The following TENM3 variants were observed in gnomAD, a reference collection of about 807,000 sequenced individuals.
TENM3 encodes the protein teneurin-3.
TENM3 carries 63 observed loss-of-function variants against 255.1 expected under a neutral mutation model. The observed-to-expected ratio is 0.25, with a 90% confidence interval of 0.20 to 0.30. The LOEUF (loss-of-function observed/expected upper bound fraction) is 0.30. Ranked by LOEUF, TENM3 falls within the 10% of genes least tolerant of loss-of-function variation. TENM3 has a pLI of 1.00. For synonymous variants in TENM3, 1,306 were observed against 1,322.3 expected (o/e 0.99, Z 0.27); for missense variants, 2,929 against 3,461.1 (o/e 0.85, Z 3.86).
At chr4:182,374,073 G>A (rs574549842) in intron 3 of TENM3, among the ~76,000 whole-genome samples, 3 of 151,948 alleles carry the variant, frequency 2.0e-5, no homozygotes, top group African/African-American at 4.8e-5. Flanking sequence ...TAACTCTAAC[G>A]GGAGCTACAG....
the TENM3 span, among the ~76,000 whole-genome samples, chr4:181,883,909 C>G: frequency 6.6e-6 from 1 of 152,154 alleles, no homozygotes; most frequent in Non-Finnish European, 1.5e-5. Flanking sequence ...TTTGAGCTTT[C>G]TGGTTGCCGG....
chr4:182,674,420 C>G (rs1755491059), intron 7 of TENM3, among the ~76,000 whole-genome samples: 1 of 151,958 alleles, frequency 6.6e-6, no homozygotes, highest in African/African-American at 2.4e-5. Flanking sequence ...TTCTGAATAT[C>G]AGGCTTTAGT....
At chr4:182,772,778 A>G (rs1764366709) in intron 22 of TENM3, among the ~76,000 whole-genome samples, 2 of 152,204 alleles carry the variant, frequency 1.3e-5, no homozygotes, top group South Asian at 4.1e-4. Flanking sequence ...AAAACAAATA[A>G]TCATTAAATG....
the TENM3 span, among the ~76,000 whole-genome samples, chr4:181,476,206 GTTTT>G: frequency 2.6e-5 from 3 of 115,364 alleles, no homozygotes; most frequent in African/African-American, 7.7e-5. Context: ...CATTTTAGGG[GTTTT>G]TTTTTTTTTT....
intron 1 of TENM3, among the ~76,000 whole-genome samples, chr4:182,262,859 A>T (rs79514864): frequency 6.6e-6 from 1 of 151,158 alleles, no homozygotes; most frequent in African/African-American, 2.4e-5. Context: ...GACTACAGGC[A>T]CCCACCACCA....
At chr4:182,456,575 G>A (rs1773890639) in intron 3 of TENM3, among the ~76,000 whole-genome samples, 2 of 152,144 alleles carry the variant, frequency 1.3e-5, no homozygotes, top group Non-Finnish European at 2.9e-5. Context: ...TACATGTACA[G>A]TTAACTTGAA....
the TENM3 span, among the ~76,000 whole-genome samples, chr4:181,515,411 AC>A: frequency 6.6e-6 from 1 of 151,812 alleles, no homozygotes; most frequent in South Asian, 2.1e-4. Flanking sequence ...TATTTCTAGG[AC>A]CCTTCTCCAA....
At chr4:181,570,280 C>A in the TENM3 span, among the ~76,000 whole-genome samples, 1 of 151,994 alleles carries the variant, frequency 6.6e-6, no homozygotes, top group Admixed American at 6.6e-5. Context: ...CTCCTGACCT[C>A]ATGATCCACC....
chr4:181,655,882 GT>G, the TENM3 span, among the ~76,000 whole-genome samples: 1 of 152,350 alleles, frequency 6.6e-6, no homozygotes, highest in South Asian at 2.1e-4. Flanking sequence ...AGTCAGAGGA[GT>G]GTCCACCCTT....
the TENM3 span, among the ~76,000 whole-genome samples, chr4:181,761,012 A>C: frequency 1.3e-5 from 2 of 148,582 alleles, no homozygotes; most frequent in African/African-American, 2.5e-5. Context: ...ACACACACAC[A>C]CCCCGAATAA....
At chr4:182,548,271 A>T (rs1741649403) in intron 3 of TENM3, among the ~76,000 whole-genome samples, 1 of 151,998 alleles carries the variant, frequency 6.6e-6, no homozygotes, top group Non-Finnish European at 1.5e-5. Flanking sequence ...ATAGAAAAAG[A>T]CCGCCCGTGA....
intron 3 of TENM3, among the ~76,000 whole-genome samples, chr4:182,401,985 T>C (rs1769242610): frequency 6.6e-6 from 1 of 152,224 alleles, no homozygotes; most frequent in Admixed American, 6.5e-5. Flanking sequence ...AGTCTTCTTA[T>C]CTGTGCTAAA....
the TENM3 span, among the ~76,000 whole-genome samples, chr4:181,624,120 C>T: frequency 6.6e-6 from 1 of 152,156 alleles, no homozygotes; most frequent in Admixed American, 6.5e-5. Context: ...ACTATATGAA[C>T]ATCTGTATCC....
chr4:181,504,921 T>C, the TENM3 span, among the ~76,000 whole-genome samples: 1 of 152,238 alleles, frequency 6.6e-6, no homozygotes, highest in Non-Finnish European at 1.5e-5. Flanking sequence ...CCTGCTAGCC[T>C]GAGTGATGAC....
At chr4:182,337,231 C>CT (rs748692432) in intron 2 of TENM3, among the ~76,000 whole-genome samples, 1 of 152,064 alleles carries the variant, frequency 6.6e-6, no homozygotes, top group Non-Finnish European at 1.5e-5. Flanking sequence ...CAAAGTTTTG[C>CT]TTATCAGACA....
the TENM3 span, among the ~76,000 whole-genome samples, chr4:182,101,615 G>T: frequency 6.6e-6 from 1 of 152,250 alleles, no homozygotes; most frequent in Admixed American, 6.5e-5. Context: ...GAGGCAGGGG[G>T]GATGATGGGC....
intron 1 of TENM3, among the ~76,000 whole-genome samples, chr4:182,219,392 T>C (rs1375944999): frequency 1.3e-5 from 2 of 152,180 alleles, no homozygotes; most frequent in African/African-American, 4.8e-5. Context: ...ATTCTAATGA[T>C]GGCAGTTAAA....
the TENM3 span, among the ~76,000 whole-genome samples, chr4:181,938,281 T>C: frequency 6.6e-6 from 1 of 152,212 alleles, no homozygotes; most frequent in Non-Finnish European, 1.5e-5. Context: ...CACGTCATAA[T>C]ACTCCAGAAA....
At chr4:182,761,986 T>C (rs1763238359) in intron 22 of TENM3, among the ~76,000 whole-genome samples, 1 of 152,224 alleles carries the variant, frequency 6.6e-6, no homozygotes, top group Admixed American at 6.5e-5. Context: ...GGCAATACTT[T>C]TATTAATACT....
Sources: gnomAD v4.1 joint callset for allele counts (sites outside exome capture counted in the v4.1 genomes callset) on GRCh38, gnomAD v4.1.1 for gene constraint, MANE v1.5 for transcripts, NCBI Gene and HGNC (gene_info 2026-07-23, HGNC 2026-07-21) for gene names.